The following DIP2B variants were observed in gnomAD, a reference collection of about 807,000 sequenced individuals.
DIP2B encodes disco-interacting protein 2 homolog B.
Under a neutral mutation model 198.0 loss-of-function variants are expected in DIP2B, and 76 were observed. That is an observed-to-expected ratio of 0.38 (90% CI 0.32 to 0.46). DIP2B has a LOEUF of 0.46. DIP2B is among the 20% of genes least tolerant of loss of function. The pLI is 0.99. For missense variants in DIP2B, 1,559 were observed against 1,978.4 expected, an observed-to-expected ratio of 0.79 and a Z score of 4.02; for synonymous variants, 701 against 739.1, an observed-to-expected ratio of 0.95 and a Z score of 0.84.
At chr12:50,534,369 A>ATTT (rs72095442) in intron 1 of DIP2B, among the ~76,000 whole-genome samples, 3,806 of 107,848 alleles carry the variant, frequency 0.035, 263 homozygotes, top group Non-Finnish European at 0.052. Flanking sequence ...TTCTCATTTC[A>ATTT]TTTTTTTTTT....
At chr12:50,549,170 T>A (rs1445082876) in intron 1 of DIP2B, among the ~76,000 whole-genome samples, 32 of 137,506 alleles carry the variant, frequency 2.3e-4, no homozygotes, top group African/African-American at 5.6e-4. Context: ...GGGGCTGGTT[T>A]AAAAAAAAAA....
chr12:50,541,370 A>C (rs1958324028), intron 1 of DIP2B, among the ~76,000 whole-genome samples: 1 of 151,238 alleles, frequency 6.6e-6, no homozygotes, highest in African/African-American at 2.4e-5. Flanking sequence ...GAGACCTATC[A>C]AAAACTTTTG....
intron 1 of DIP2B, among the ~76,000 whole-genome samples, chr12:50,587,935 A>G (rs560828825): frequency 6.6e-6 from 1 of 152,346 alleles, no homozygotes; most frequent in East Asian, 1.9e-4. Context: ...AGGTATAGCA[A>G]GGAAATTTCA....
At chr12:50,564,453 ATTTC>A (rs1288999639) in intron 1 of DIP2B, among the ~76,000 whole-genome samples, 4 of 151,988 alleles carry the variant, frequency 2.6e-5, no homozygotes, top group Non-Finnish European at 5.9e-5. Flanking sequence ...AACATTTCCT[ATTTC>A]TTCAGAAATA....
chr12:50,531,611 G>A (rs1198930529), intron 1 of DIP2B, among the ~76,000 whole-genome samples: 1 of 152,194 alleles, frequency 6.6e-6, no homozygotes, highest in Admixed American at 6.5e-5. Flanking sequence ...TTTAGGGACA[G>A]GGTTGGGGCA....
intron 2 of DIP2B, among the ~76,000 whole-genome samples, chr12:50,626,774 CTT>C (rs10712216): frequency 0.016 from 2,079 of 132,702 alleles, 39 homozygotes; most frequent in African/African-American, 0.049. Flanking sequence ...GAACTAATGG[CTT>C]TTTTTTTTTT....
intron 3 of DIP2B, among the ~76,000 whole-genome samples, chr12:50,641,318 C>G (rs1938253322): frequency 6.6e-6 from 1 of 152,166 alleles, no homozygotes; most frequent in African/African-American, 2.4e-5. Flanking sequence ...GATCCCACCA[C>G]TGCACTCCAG....
chr12:50,551,690 C>G (rs4768850), intron 1 of DIP2B, among the ~76,000 whole-genome samples: 1 of 152,016 alleles, frequency 6.6e-6, no homozygotes, highest in Admixed American at 6.5e-5. Flanking sequence ...GTGATCTGCC[C>G]GCCTTGGCCT....
At chr12:50,724,721 T>C in intron 27 of DIP2B, 54 bp from the exon 28 acceptor site, 4 of 1,525,994 alleles carry the variant, frequency 2.6e-6, no homozygotes, top group South Asian at 2.3e-5. Context: ...GGGCCTGTGG[T>C]GCCATGTTGG....
chr12:50,670,656 A>G (rs945872841), intron 4 of DIP2B, among the ~76,000 whole-genome samples: 34 of 152,080 alleles, frequency 2.2e-4, no homozygotes, highest in Admixed American at 7.2e-4. Context: ...ACCTCAGGTG[A>G]TCTGCCTGCC....
chr12:50,511,855 G>A (rs1958019955), intron 1 of DIP2B, among the ~76,000 whole-genome samples: 2 of 148,678 alleles, frequency 1.3e-5, no homozygotes, highest in African/African-American at 5.0e-5. Context: ...AGCTGAGGCA[G>A]GAGAATTGCT....
chr12:50,558,771 G>A (rs1593608278), intron 1 of DIP2B, among the ~76,000 whole-genome samples: 2 of 152,174 alleles, frequency 1.3e-5, no homozygotes, highest in African/African-American at 2.4e-5. Flanking sequence ...TACTGACTTA[G>A]TGGCAATGGG....
intron 1 of DIP2B, among the ~76,000 whole-genome samples, chr12:50,530,578 C>T (rs1958208446): frequency 6.6e-6 from 1 of 152,078 alleles, no homozygotes; most frequent in South Asian, 2.1e-4. Context: ...GCAAAATAGC[C>T]TTAAATAAGA....
At chr12:50,649,982 G>T (rs1182331271) in intron 3 of DIP2B, among the ~76,000 whole-genome samples, 1 of 152,210 alleles carries the variant, frequency 6.6e-6, no homozygotes, top group Non-Finnish European at 1.5e-5. Flanking sequence ...GCCGAGGCGG[G>T]TGGATCACCT....
chr12:50,676,567 G>A (rs745427413), intron 7 of DIP2B, among the ~76,000 whole-genome samples: 28 of 152,144 alleles, frequency 1.8e-4, no homozygotes, highest in Non-Finnish European at 3.1e-4. Context: ...TGAAGGTCAC[G>A]GTTTTTAACA....
rs776854292 is a variant in DIP2B at position 50,744,620 on chromosome 12, G to T, written c.4512G>T (p.Val1504=). The change falls in exon 38 of 38, where the codon GTG becomes GTT. Residue 1504 remains valine, a synonymous_variant. Transcript: ENST00000301180. ...AVFTWTNLLV[V]VVELCGSEQE... Reference sequence around the variant, plus strand: ...TCACATGGACCAACTTGCTTGTGGTGGTTGTGGAACTGTGCGGCTCTGAAC... The same window carrying T: ...TCACATGGACCAACTTGCTTGTGGTTGTTGTGGAACTGTGCGGCTCTGAAC... 1.7e-5 allele frequency: 28 copies of T among 1,613,970 alleles called. No individual in the cohort carries two copies. The East Asian group carries it at 6.0e-4, about 35-fold the overall frequency.
At position 50,676,331 on chromosome 12, in the gene DIP2B, C is replaced by G. The variant is rs1938945527; in HGVS notation, c.916+883C>G. On this transcript the variant is annotated intron_variant, in intron 7 of 37. Transcript: ENST00000301180. ...TAATAGTAATAGGTTTTGATCACAT[C>G]AGCTTGTTAATAGAATTAGGTACAT... 2.6e-5 allele frequency among the ~76,000 whole-genome samples: 4 copies of G among 152,280 alleles called. 1 individual carries two copies. The South Asian group carries it at 8.3e-4, about 32-fold the overall frequency.
At chr12:50,713,247 C>G (rs1321260350) in intron 22 of DIP2B, among the ~76,000 whole-genome samples, 6 of 152,138 alleles carry the variant, frequency 3.9e-5, no homozygotes, top group Admixed American at 3.9e-4. Context: ...CATACCCGGC[C>G]TGGTTTTATT....
intron 3 of DIP2B, 65 bp from the exon 4 acceptor site, chr12:50,660,129 C>A: frequency 2.2e-6 from 3 of 1,354,896 alleles, no homozygotes; most frequent in East Asian, 2.8e-5. Flanking sequence ...AGTGATAGTT[C>A]AGCTCACAGT....
Sources: gnomAD v4.1 joint callset for allele counts (sites outside exome capture counted in the v4.1 genomes callset) on GRCh38, gnomAD v4.1.1 for gene constraint, MANE v1.5 for transcripts, NCBI Gene and HGNC (gene_info 2026-07-23, HGNC 2026-07-21) for gene names.